CTNNA3: variants seen among roughly 807,000 people sequenced by gnomAD.
CTNNA3 encodes catenin alpha 3.
In CTNNA3, 76 loss-of-function variants were observed where a neutral mutation model predicts 95.7. The observed-to-expected ratio is 0.79, with a 90% CI of 0.66 to 0.96. CTNNA3 has a LOEUF of 0.96. Among genes scored for constraint, CTNNA3 ranks in the 40% least tolerant of loss-of-function variants. CTNNA3 has a pLI of 0.00. For missense variants in CTNNA3, 1,191 were observed against 1,089.8 expected, an observed-to-expected ratio of 1.09 and a Z score of -1.31; for synonymous variants, 431 against 374.4, an observed-to-expected ratio of 1.15 and a Z score of -1.74.
chr10:67,033,531 G>C (rs1853861672), intron 7 of CTNNA3, among the ~76,000 whole-genome samples: 1 of 152,214 alleles, frequency 6.6e-6, no homozygotes, highest in Non-Finnish European at 1.5e-5. Context: ...GAGTGCAGTA[G>C]ACATAGTTCA....
At chr10:66,588,790 C>A (rs1443362966) in intron 10 of CTNNA3, among the ~76,000 whole-genome samples, 1 of 152,022 alleles carries the variant, frequency 6.6e-6, no homozygotes, top group South Asian at 2.1e-4. Context: ...CTTGGGTAAT[C>A]TAAGGTACAA....
intron 1 of CTNNA3, among the ~76,000 whole-genome samples, chr10:67,695,796 T>C (rs910882409): frequency 1.3e-5 from 2 of 152,234 alleles, no homozygotes; most frequent in African/African-American, 4.8e-5. Flanking sequence ...TCGAAAGTTA[T>C]TTATAACTTT....
intron 1 of CTNNA3, among the ~76,000 whole-genome samples, chr10:67,648,270 C>T (rs762705322): frequency 6.6e-6 from 1 of 152,046 alleles, no homozygotes; most frequent in East Asian, 1.9e-4. Context: ...ATGTCATAGT[C>T]GGATTAACGT....
chr10:66,543,949 A>T (rs1841956885), intron 10 of CTNNA3, among the ~76,000 whole-genome samples: 3 of 118,164 alleles, frequency 2.5e-5, no homozygotes, highest in African/African-American at 6.2e-5. Context: ...ATATATATAT[A>T]TATATTTGTT....
chr10:66,905,088 A>C (rs1321234911), intron 7 of CTNNA3, among the ~76,000 whole-genome samples: 2 of 152,184 alleles, frequency 1.3e-5, no homozygotes, highest in Non-Finnish European at 2.9e-5. Flanking sequence ...TTATTGTGAC[A>C]CTATTCTCAA....
intron 13 of CTNNA3, among the ~76,000 whole-genome samples, chr10:66,167,722 G>C (rs145826225): frequency 6.6e-6 from 1 of 152,262 alleles, no homozygotes; most frequent in East Asian, 1.9e-4. Context: ...AAGGCTAAGA[G>C]AACAGTCAGA....
At chr10:67,415,199 A>G (rs985125255) in intron 5 of CTNNA3, among the ~76,000 whole-genome samples, 1 of 152,224 alleles carries the variant, frequency 6.6e-6, no homozygotes, top group Admixed American at 6.5e-5. Flanking sequence ...TTTGAAAAAG[A>G]AAAGAAGAAG....
chr10:67,212,982 T>TGTTC (rs1199221876), intron 6 of CTNNA3, among the ~76,000 whole-genome samples: 1 of 151,198 alleles, frequency 6.6e-6, no homozygotes, highest in African/African-American at 2.4e-5. Context: ...TTTGTTTGTT[T>TGTTC]GTTTGTTTGC....
intron 12 of CTNNA3, among the ~76,000 whole-genome samples, chr10:66,288,841 C>G (rs1010800584): frequency 2.0e-5 from 3 of 152,070 alleles, no homozygotes; most frequent in Non-Finnish European, 2.9e-5. Flanking sequence ...AAGAAACCCT[C>G]TCTGGCACCT....
rs549900639 is a variant in CTNNA3, at chr10:66,335,000, C to G, written c.1732+44152G>C. 2.6e-5 allele frequency among the ~76,000 whole-genome samples: 4 copies of G among 152,092 alleles called. No homozygotes were observed. The South Asian group carries it at 8.3e-4, about 32-fold the overall frequency. ...TCATTTGATCTTACATCACTGATAC[C>G]CTTTCTTCCAGTTGATCGAATCGGC... is the stretch of plus-strand genomic sequence containing the variant. On this transcript the variant is annotated intron_variant, in intron 12 of 17. Transcript: ENST00000433211.
At chr10:67,136,681 T>C (rs1318193580) in intron 7 of CTNNA3, among the ~76,000 whole-genome samples, 1 of 152,132 alleles carries the variant, frequency 6.6e-6, no homozygotes. Context: ...TAGAAAAGTC[T>C]TTCAATTTGA....
intron 7 of CTNNA3, among the ~76,000 whole-genome samples, chr10:66,871,931 G>A (rs1393415974): frequency 6.6e-6 from 1 of 152,080 alleles, no homozygotes; most frequent in Non-Finnish European, 1.5e-5. Flanking sequence ...AAAATATTCT[G>A]ACCAATAAAT....
intron 5 of CTNNA3, among the ~76,000 whole-genome samples, chr10:67,261,426 T>G (rs1904607): frequency 0.25 from 38,287 of 151,916 alleles, 8,256 homozygotes; most frequent in African/African-American, 0.59. Context: ...TTGGGAAACT[T>G]TATGTCAGAA....
At chr10:66,602,161 C>T (rs77469755) in intron 10 of CTNNA3, among the ~76,000 whole-genome samples, 3,621 of 151,866 alleles carry the variant, frequency 0.024, 86 homozygotes, top group South Asian at 0.064. Flanking sequence ...TTCTTAGGAT[C>T]TATGGGCATG....
intron 5 of CTNNA3, among the ~76,000 whole-genome samples, chr10:67,356,016 TC>T (rs1292001592): frequency 6.6e-6 from 1 of 151,958 alleles, no homozygotes; most frequent in African/African-American, 2.4e-5. Context: ...CAAGAGAAAT[TC>T]CATCAACCTC....
At chr10:67,624,452 C>T (rs1190582760) in intron 2 of CTNNA3, among the ~76,000 whole-genome samples, 2 of 152,114 alleles carry the variant, frequency 1.3e-5, no homozygotes, top group Non-Finnish European at 2.9e-5. Context: ...CCCTATCTCC[C>T]CTCCTCTATG....
At chr10:67,047,229 G>A (rs1854810297) in intron 7 of CTNNA3, among the ~76,000 whole-genome samples, 1 of 152,132 alleles carries the variant, frequency 6.6e-6, no homozygotes, top group Admixed American at 6.5e-5. Context: ...GGGAGTGGTG[G>A]AGTCTCTAGA....
intron 9 of CTNNA3, among the ~76,000 whole-genome samples, chr10:66,684,705 G>T (rs1357181795): frequency 6.6e-6 from 1 of 151,982 alleles, no homozygotes; most frequent in Non-Finnish European, 1.5e-5. Context: ...AGATTTAGGA[G>T]GTCTTTCTCT....
At chr10:66,249,409 C>T (rs1398340408) in intron 13 of CTNNA3, among the ~76,000 whole-genome samples, 2 of 152,048 alleles carry the variant, frequency 1.3e-5, no homozygotes, top group Non-Finnish European at 2.9e-5. Context: ...ATATAAGTAG[C>T]TCAAACAACT....
Sources: allele counts gnomAD v4.1 joint callset (sites outside exome capture counted in the v4.1 genomes callset), GRCh38; gene constraint gnomAD v4.1.1; transcripts MANE v1.5; gene names NCBI Gene and HGNC (gene_info 2026-07-23, HGNC 2026-07-21).